The following TRPS1 variants were observed in gnomAD, a reference collection of about 807,000 sequenced individuals.
The protein encoded by TRPS1 is zinc finger transcription factor Trps1.
A neutral mutation model predicts 101.2 loss-of-function variants in TRPS1; 6 were observed. The ratio of observed to expected loss-of-function variants is 0.06; its 90% CI spans 0.03 to 0.12. The LOEUF (loss-of-function observed/expected upper bound fraction) is 0.12. Among genes scored for constraint, TRPS1 ranks in the 10% least tolerant of loss-of-function variants. The pLI is 1.00. For synonymous variants in TRPS1, 578 were observed against 589.8 expected (o/e 0.98, Z 0.29); for missense variants, 1,363 against 1,567.0 (o/e 0.87, Z 2.20).
chr8:115,526,457 T>C (rs1029069149), intron 5 of TRPS1, among the ~76,000 whole-genome samples: 9 of 152,194 alleles, frequency 5.9e-5, no homozygotes, highest in Non-Finnish European at 1.2e-4. Flanking sequence ...AACAGTATTA[T>C]TATTATCTTT....
intron 3 of TRPS1, among the ~76,000 whole-genome samples, chr8:115,607,150 A>G (rs1818057433): frequency 6.6e-6 from 1 of 152,116 alleles, no homozygotes; most frequent in Non-Finnish European, 1.5e-5. Flanking sequence ...GGGTTGAACA[A>G]AGAGCATACA....
At chr8:115,458,921 A>G (rs1369808978) in intron 5 of TRPS1, among the ~76,000 whole-genome samples, 1 of 152,230 alleles carries the variant, frequency 6.6e-6, no homozygotes, top group Non-Finnish European at 1.5e-5. Flanking sequence ...TAAGATCAAG[A>G]CTTCAAAAAA....
chr8:115,643,661 C>G (rs1446920545), intron 1 of TRPS1, among the ~76,000 whole-genome samples: 1 of 152,180 alleles, frequency 6.6e-6, no homozygotes, highest in African/African-American at 2.4e-5. Context: ...GAGCTGGAAT[C>G]AACTTCTTCC....
chr8:115,493,724 A>C (rs560676084), intron 5 of TRPS1, among the ~76,000 whole-genome samples: 1 of 152,314 alleles, frequency 6.6e-6, no homozygotes. Flanking sequence ...CCATACTGGC[A>C]TGGATATTAT....
chr8:115,600,982 C>G (rs1433848583), intron 4 of TRPS1, among the ~76,000 whole-genome samples: 2 of 152,078 alleles, frequency 1.3e-5, no homozygotes, highest in Admixed American at 1.3e-4. Flanking sequence ...CTGTTGCTGA[C>G]TAGATCATGT....
At chr8:115,657,460 T>C (rs540936227) in intron 1 of TRPS1, among the ~76,000 whole-genome samples, 15 of 152,274 alleles carry the variant, frequency 9.9e-5, no homozygotes, top group African/African-American at 2.6e-4. Context: ...ACTGATGTTA[T>C]TGAATTTATA....
At chr8:115,517,360 A>G (rs1231121587) in intron 5 of TRPS1, among the ~76,000 whole-genome samples, 2 of 151,666 alleles carry the variant, frequency 1.3e-5, no homozygotes, top group African/African-American at 4.8e-5. Flanking sequence ...TTAAGACTAT[A>G]TGAAGAAAGT....
At chr8:115,562,876 C>CTGTGTGTGTGTGTGTGTGTGTG (rs10588354) in intron 5 of TRPS1, among the ~76,000 whole-genome samples, 2 of 132,592 alleles carry the variant, frequency 1.5e-5, no homozygotes, top group Non-Finnish European at 3.2e-5. Flanking sequence ...CCCACAGTGT[C>CTGTGTGTGTGTGTGTGTGTGTG]TGTGTGTGTG....
At position 115,610,675 on chromosome 8, in the gene TRPS1, T is replaced by C. The variant is rs1818142027; in HGVS notation, c.967-5673A>G. Among the ~76,000 whole-genome samples, 3 of 152,316 alleles carry C rather than the reference T, an allele frequency of 2.0e-5. No individual in the cohort carries two copies. The South Asian group carries it at 6.2e-4, about 32-fold the overall frequency. On this transcript the variant is annotated intron_variant, in intron 3 of 6. Transcript: ENST00000395715. ...GAAGAAAATACTGCATATTCCTCAT[T>C]ATGCAGATTTTTATTATTGGCTTTT...
chr8:115,455,767 C>T (rs1586290733), intron 5 of TRPS1, among the ~76,000 whole-genome samples: 7 of 139,000 alleles, frequency 5.0e-5, no homozygotes, highest in African/African-American at 5.5e-5. Flanking sequence ...TTCTTTCTTT[C>T]TTTCTTTCTT....
At chr8:115,572,693 CTCT>C (rs1170208874) in intron 5 of TRPS1, among the ~76,000 whole-genome samples, 2 of 152,078 alleles carry the variant, frequency 1.3e-5, no homozygotes, top group African/African-American at 4.8e-5. Flanking sequence ...ATTCCAACTC[CTCT>C]ATTCCCTATG....
intron 5 of TRPS1, among the ~76,000 whole-genome samples, chr8:115,444,460 T>G (rs1229309700): frequency 6.6e-6 from 1 of 152,232 alleles, no homozygotes; most frequent in Non-Finnish European, 1.5e-5. Context: ...TAGGTCCAGG[T>G]CAAAGTACTT....
At chr8:115,658,439 A>G (rs10505261) in intron 1 of TRPS1, among the ~76,000 whole-genome samples, 17,915 of 152,116 alleles carry the variant, frequency 0.12, 3,215 homozygotes, top group African/African-American at 0.39. Flanking sequence ...TCCTTATGTT[A>G]TCATGGATTA....
chr8:115,545,469 C>T (rs1816548438), intron 5 of TRPS1, among the ~76,000 whole-genome samples: 1 of 152,074 alleles, frequency 6.6e-6, no homozygotes, highest in Non-Finnish European at 1.5e-5. Context: ...CTTCACTATG[C>T]CTAAGAGCCT....
At chr8:115,467,246 T>C (rs576210605) in intron 5 of TRPS1, among the ~76,000 whole-genome samples, 83 of 152,266 alleles carry the variant, frequency 5.5e-4, no homozygotes, top group African/African-American at 1.8e-3. Context: ...AGTGGCAGTG[T>C]CCTTTTCCTT....
In TRPS1 at chr8:115,483,920, C is replaced by T. The variant is rs992677794; in HGVS notation, c.2701-65468G>A. ...AACTGGATTTTCTCCAGACAGGATACTACAGAGAACAGGAGAGGATATTTC... is the reference window on the plus strand; with the variant it reads ...AACTGGATTTTCTCCAGACAGGATATTACAGAGAACAGGAGAGGATATTTC... On this transcript the variant is annotated intron_variant, in intron 5 of 6. Transcript: ENST00000395715. 4.6e-5 allele frequency among the ~76,000 whole-genome samples: 7 copies of T among 152,256 alleles called. 1 individual carries two copies. In the South Asian group the frequency reaches 1.4e-3, roughly 32 times the overall value.
At chr8:115,596,777 CACATATGTAT>C (rs1248839467) in intron 4 of TRPS1, among the ~76,000 whole-genome samples, 1 of 151,674 alleles carries the variant, frequency 6.6e-6, no homozygotes, top group Non-Finnish European at 1.5e-5. Flanking sequence ...CATGCATGTA[CACATATGTAT>C]GTATATGTAT....
At chr8:115,648,299 AG>A (rs1217418248) in intron 1 of TRPS1, among the ~76,000 whole-genome samples, 1 of 151,836 alleles carries the variant, frequency 6.6e-6, no homozygotes, top group Non-Finnish European at 1.5e-5. Flanking sequence ...GGAGGAGGAG[AG>A]GGAGGCTGCA....
chr8:115,656,134 A>T (rs1051281843), intron 1 of TRPS1, among the ~76,000 whole-genome samples: 2 of 152,178 alleles, frequency 1.3e-5, no homozygotes, highest in Admixed American at 1.3e-4. Context: ...TCTTAAATTT[A>T]TTTAGGGCCT....
Sources: gnomAD v4.1 joint callset for allele counts (sites outside exome capture counted in the v4.1 genomes callset) on GRCh38, gnomAD v4.1.1 for gene constraint, MANE v1.5 for transcripts, NCBI Gene and HGNC (gene_info 2026-07-23, HGNC 2026-07-21) for gene names.